The following NOTUM variants were observed in gnomAD, a reference collection of about 807,000 sequenced individuals.
NOTUM encodes palmitoleoyl-protein carboxylesterase NOTUM.
In NOTUM, 36 loss-of-function variants were observed where a neutral mutation model predicts 65.5. That is an observed-to-expected ratio of 0.55 (90% CI 0.42 to 0.73). The LOEUF (loss-of-function observed/expected upper bound fraction) is 0.73. Among genes scored for constraint, NOTUM ranks in the 30% least tolerant of loss-of-function variants. The pLI is 0.00. For synonymous variants in NOTUM, 356 were observed against 297.9 expected (o/e 1.20, Z -2.01); for missense variants, 659 against 694.2 (o/e 0.95, Z 0.57).
intron 3 of NOTUM, 104 bp from the exon 4 acceptor site, chr17:81,959,099 G>T (rs1477161157): frequency 1.1e-5 from 11 of 983,562 alleles, no homozygotes; most frequent in Non-Finnish European, 1.6e-5. Flanking sequence ...GCCCCAGGAA[G>T]GGAGGTGTGC....
chr17:81,956,616 C>G (rs778089716), intron 8 of NOTUM, 34 bp downstream of exon 8: 1 of 1,441,842 alleles, frequency 6.9e-7, no homozygotes, highest in East Asian at 2.3e-5. Flanking sequence ...GCCACCCCTG[C>G]TGCCCTGTGT....
chr17:81,952,824 TG>T lies in NOTUM; in HGVS notation c.*136del. On this transcript the variant is annotated 3_prime_UTR_variant, in exon 11 of 11. Transcript: ENST00000409678. ...AGGGAAAGCCGGGGCAGGAGGGCAGTGGGCAGACCCAGACAGGGGGGACGGC... is the reference window on the plus strand; with the variant it reads ...AGGGAAAGCCGGGGCAGGAGGGCAGTGGCAGACCCAGACAGGGGGGACGGC... 1.3e-6 allele frequency: 1 copy of T among 748,228 alleles called. No homozygotes were observed. Among genetic ancestry groups the T allele is most frequent in the Non-Finnish European group, 2.2e-6 (1 of 448,588 alleles). The allele number at this position is 748,228 out of a possible 1,614,324, so 46.3% of individuals were successfully genotyped here.
At chr17:81,958,262 G>A (rs141626714) in intron 5 of NOTUM, 73 bp downstream of exon 5, 41 of 1,015,404 alleles carry the variant, frequency 4.0e-5, no homozygotes, top group African/African-American at 2.0e-4. Context: ...CTGCCCTGCC[G>A]TCCTGCCTCC....
Position 81,960,098 on chromosome 17 carries a change from A to AGC in NOTUM, c.324-408_324-407dup, listed in dbSNP as rs1409355823. 6.6e-6 allele frequency among the ~76,000 whole-genome samples: 1 copy of AGC among 150,860 alleles called. No individual in the cohort carries two copies. The highest frequency in any genetic ancestry group is 1.5e-5 in the Non-Finnish European group (1 of 67,604). ...GCGGGCGGCACCGACCCGGCGGGGG[A>AGC]GCCTTCCTGCCGAGCCCCGACCCCA... is the stretch of plus-strand genomic sequence containing the variant. On this transcript the variant is annotated intron_variant, in intron 1 of 10. Transcript: ENST00000409678. This position sits in a 1 kb window ranked among gnomAD's most constrained non-coding sequence, Gnocchi z 6.4.
chr17:81,960,754 G>A lies in NOTUM; in HGVS notation c.156C>T (p.Phe52=). The change falls in exon 1 of 11, where the codon TTC becomes TTT. Residue 52 remains phenylalanine (F), a synonymous_variant. Transcript: ENST00000409678. The surrounding 1 kb of genome is among the most constrained non-coding windows in gnomAD (Gnocchi z 6.4). ...CCTCCACGGCCGTGAAGTCCAGCGGGAAGCTCTCCACGGGCTGTCCGGCCG... is the reference window on the plus strand; with the variant it reads ...CCTCCACGGCCGTGAAGTCCAGCGGAAAGCTCTCCACGGGCTGTCCGGCCG... ...APAAGQPVES[F]PLDFTAVEGN... 1 of 1,594,114 alleles carries A rather than the reference G, an allele frequency of 6.3e-7. No individual in the cohort carries two copies. The highest frequency in any genetic ancestry group is 1.1e-5 in the South Asian group (1 of 88,430).
chr17:81,957,421 C>T (rs1407638400), intron 6 of NOTUM, among the ~76,000 whole-genome samples: 1 of 152,104 alleles, frequency 6.6e-6, no homozygotes, highest in Non-Finnish European at 1.5e-5. Context: ...TCCTGGTCTC[C>T]TGTATGCCTG....
At position 81,956,957 on chromosome 17, in the gene NOTUM, G is replaced by A. The variant is rs745402057; in HGVS notation, c.813C>T (p.Asn271=). The change falls in exon 7 of 11, where the codon AAC becomes AAT. Residue 271 remains asparagine, a synonymous_variant. Coordinates refer to ENST00000409678, the MANE Select transcript of NOTUM (RefSeq NM_178493.6). The part of the protein sequence containing the change: ...GLADSGWFLD[N]KQYRHTDCVD... ...CGCAGTCTGTGTGGCGATACTGCTT[G>A]TTGTCCAGGAACCAGCCGGAGTCAG... 29 of 1,613,306 alleles carry A rather than the reference G, an allele frequency of 1.8e-5. No homozygotes were observed. Among genetic ancestry groups the A allele is most frequent in the Non-Finnish European group, 2.5e-5 (29 of 1,179,930 alleles).
At position 81,953,062 on chromosome 17, in the gene NOTUM, C is replaced by G; in HGVS notation, c.1390G>C (p.Ala464Pro). The change falls in exon 11 of 11, where the codon GCC (alanine) becomes CCC (proline). Residue 464 changes from alanine to proline, a missense_variant. Coordinates refer to ENST00000409678, the MANE Select transcript of NOTUM (RefSeq NM_178493.6). Reference sequence around the variant, plus strand: ...AAGCCCATGTGCATGAGGAACTGGGCCACGTTCATCTCTTGCCCCGTGAAC... The same window carrying G: ...AAGCCCATGTGCATGAGGAACTGGGGCACGTTCATCTCTTGCCCCGTGAAC... ...DQFTGQEMNVAQFLMHMGFDM... is the reference protein window; with the variant it reads ...DQFTGQEMNVPQFLMHMGFDM... 2 of 1,613,998 alleles carry G rather than the reference C, an allele frequency of 1.2e-6. No individual in the cohort carries two copies. The highest frequency in any genetic ancestry group is 1.7e-6 in the Non-Finnish European group (2 of 1,179,924).
At chr17:81,959,804 G>A (rs1165976036) in intron 1 of NOTUM, 112 bp from the exon 2 acceptor site, 1 of 508,444 alleles carries the variant, frequency 2.0e-6, no homozygotes, top group Non-Finnish European at 2.9e-6. Context: ...GCGCGCGACG[G>A]TCGCACGGGG....
Position 81,958,382 on chromosome 17 carries a change from T to C in NOTUM, c.545A>G (p.Tyr182Cys). 6.2e-7 allele frequency: 1 copy of C among 1,609,330 alleles called. No homozygotes were observed. Among genetic ancestry groups the C allele is most frequent in the East Asian group, 2.2e-5 (1 of 44,870 alleles). ...WWNANMVFIP[Y>C]CSSDVWSGAS... ...CCCGCTCCAAACATCACTGGAGCAG[T>C]AGGGGATGAAGCTGCAACACAGAAC... is the stretch of plus-strand genomic sequence containing the variant. Residue 182 changes from tyrosine to cysteine, a missense_variant, in exon 5 of 11, where the codon TAC becomes TGC. By Grantham distance (194) the Tyr-to-Cys change is radical (BLOSUM62 -2). Coordinates refer to ENST00000409678, the MANE Select transcript of NOTUM (RefSeq NM_178493.6).
chr17:81,960,705 G>C lies in NOTUM; in HGVS notation c.205C>G (p.Gln69Glu). The change falls in exon 1 of 11, where the codon CAA becomes GAA. Residue 69 changes from glutamine (Q) to glutamate (E), a missense_variant. Transcript: ENST00000409678. The surrounding 1 kb of genome is among the most constrained non-coding windows in gnomAD (Gnocchi z 6.4). ...VEGNMDSFMA[Q>E]VKSLAQSLYP... ...AGGGACTGCGCCAGGCTCTTGACTTGCGCCATGAAGCTGTCCATGTTACCC... is the reference window on the plus strand; with the variant it reads ...AGGGACTGCGCCAGGCTCTTGACTTCCGCCATGAAGCTGTCCATGTTACCC... 6.2e-7 allele frequency: 1 copy of C among 1,604,154 alleles called. No homozygotes were observed. Among genetic ancestry groups the C allele is most frequent in the Non-Finnish European group, 8.5e-7 (1 of 1,176,042 alleles).
rs2041468740 is a variant in NOTUM, at chr17:81,960,721, C to T, written c.189G>A (p.Met63Ile). 2 of 1,603,602 alleles carry T rather than the reference C, an allele frequency of 1.2e-6. No homozygotes were observed. The highest frequency in any genetic ancestry group is 1.7e-6 in the Non-Finnish European group (2 of 1,175,820). ...TCTTGACTTGCGCCATGAAGCTGTC[C>T]ATGTTACCCTCCACGGCCGTGAAGT... ...PLDFTAVEGN[M>I]DSFMAQVKSL... Residue 63 changes from methionine to isoleucine, a missense_variant, in exon 1 of 11, where the codon ATG becomes ATA. Physicochemically the swap from Met to Ile is conservative, Grantham distance 10 (BLOSUM62 1). Coordinates refer to ENST00000409678, the MANE Select transcript of NOTUM (RefSeq NM_178493.6). This position sits in a 1 kb window ranked among gnomAD's most constrained non-coding sequence, Gnocchi z 6.4.
chr17:81,958,745 G>A (rs1018606945), intron 4 of NOTUM, among the ~76,000 whole-genome samples, 190 bp downstream of exon 4: 12 of 151,724 alleles, frequency 7.9e-5, no homozygotes, highest in African/African-American at 2.9e-4. Context: ...ACCATCCCAG[G>A]ACAGGACCTC....
In NOTUM at chr17:81,960,748, C is replaced by G. The variant is rs181598785; in HGVS notation, c.162G>C (p.Leu54=). Reference sequence around the variant, plus strand: ...TGTTACCCTCCACGGCCGTGAAGTCCAGCGGGAAGCTCTCCACGGGCTGTC... The same window carrying G: ...TGTTACCCTCCACGGCCGTGAAGTCGAGCGGGAAGCTCTCCACGGGCTGTC... ...AAGQPVESFP[L]DFTAVEGNMD... Residue 54 remains leucine (L), a synonymous_variant, in exon 1 of 11, where the codon CTG becomes CTC. Transcript: ENST00000409678. This position sits in a 1 kb window ranked among gnomAD's most constrained non-coding sequence, Gnocchi z 6.4. 1.5e-4 allele frequency: 235 copies of G among 1,595,826 alleles called. No individual in the cohort carries two copies. In the African/African-American group the frequency reaches 2.8e-3, roughly 19 times the overall value.
Position 81,954,317 on chromosome 17 carries a change from G to T in NOTUM, c.1137-14C>A. 1 of 1,608,268 alleles carries T rather than the reference G, an allele frequency of 6.2e-7. No homozygotes were observed. Among genetic ancestry groups the T allele is most frequent in the Non-Finnish European group, 8.5e-7 (1 of 1,174,900 alleles). ...GCAAAGCTGGCCCTGTTGGAGAGGA[G>T]ACAGTGGCTTGTGAGCTCCTTACCC... is the stretch of plus-strand genomic sequence containing the variant. On this transcript the variant is annotated splice_polypyrimidine_tract_variant and intron_variant, in intron 9 of 10. Coordinates refer to ENST00000409678, the MANE Select transcript of NOTUM (RefSeq NM_178493.6).
At position 81,956,877 on chromosome 17, in the gene NOTUM, C is replaced by A. The variant is rs555429654; in HGVS notation, c.887+6G>T. The A allele has an allele frequency of 1.2e-6, 2 of 1,606,808 alleles. No individual in the cohort carries two copies. The highest frequency in any genetic ancestry group is 1.7e-6 in the Non-Finnish European group (2 of 1,177,140). On this transcript the variant is annotated splice_donor_region_variant and intron_variant, in intron 7 of 10. Coordinates refer to ENST00000409678, the MANE Select transcript of NOTUM (RefSeq NM_178493.6). ...GCACGAGGACGGGCCCTCCCCGCTGCGGCACCTGATGCCACGGCGGATGGC... is the reference window on the plus strand; with the variant it reads ...GCACGAGGACGGGCCCTCCCCGCTGAGGCACCTGATGCCACGGCGGATGGC...
rs1350662323 is a variant in NOTUM at position 81,954,968 on chromosome 17, C to T, written c.1136+429G>A. Among the ~76,000 whole-genome samples the T allele has an allele frequency of 4.6e-5, 7 of 151,542 alleles. No homozygotes were observed. The South Asian group carries it at 8.3e-4, about 18-fold the overall frequency. On this transcript the variant is annotated intron_variant, in intron 9 of 10. Transcript: ENST00000409678. Reference sequence around the variant, plus strand: ...CTCTCTCTCTCTCTCTCCTCTCTCTCTTTCTCTCTCTCTCTATATATGTAT... The same window carrying T: ...CTCTCTCTCTCTCTCTCCTCTCTCTTTTTCTCTCTCTCTCTATATATGTAT...
rs772547244 is a variant in NOTUM, at chr17:81,958,336, C to A, written c.591G>T (p.Lys197Asn). The change falls in exon 5 of 11, where the codon AAG becomes AAT. Residue 197 changes from lysine to asparagine, a missense_variant and splice_region_variant. Coordinates refer to ENST00000409678, the MANE Select transcript of NOTUM (RefSeq NM_178493.6). Reference sequence around the variant, plus strand: ...TGCCCTGGGAAGGCCGAGACTCACTCTTCTCAGACTTGGATGAAGCCCCGC... The same window carrying A: ...TGCCCTGGGAAGGCCGAGACTCACTATTCTCAGACTTGGATGAAGCCCCGC... Reference protein sequence around the residue: ...VWSGASSKSEKNEYAFMGALI... With the variant: ...VWSGASSKSENNEYAFMGALI... 3.7e-6 allele frequency: 6 copies of A among 1,605,648 alleles called. No homozygotes were observed. The highest frequency in any genetic ancestry group is 5.1e-6 in the Non-Finnish European group (6 of 1,173,834).
intron 4 of NOTUM, 116 bp from the exon 5 acceptor site, chr17:81,958,509 A>ATCCT: frequency 1.4e-6 from 1 of 732,286 alleles, no homozygotes; most frequent in Non-Finnish European, 2.4e-6. Context: ...TTCCCCTGGA[A>ATCCT]GGACCATCCC....
Sources: gnomAD v4.1 joint callset for allele counts (sites outside exome capture counted in the v4.1 genomes callset) on GRCh38, gnomAD v4.1.1 for gene constraint, Gnocchi (gnomAD v3.1) non-coding constraint, MANE v1.5 for transcripts, NCBI Gene and HGNC (gene_info 2026-07-23, HGNC 2026-07-21) for gene names.